FAM227A: variants seen among roughly 807,000 people sequenced by gnomAD.
FAM227A encodes protein FAM227A.
Under a neutral mutation model 74.7 loss-of-function variants are expected in FAM227A, and 80 were observed. The observed-to-expected ratio is 1.07, with a 90% CI of 0.89 to 1.29. The LOEUF (loss-of-function observed/expected upper bound fraction) is 1.29. Ranked by LOEUF, FAM227A falls within the 50% of genes most tolerant of loss-of-function variation. The probability of loss-of-function intolerance (pLI) is 0.00; values close to 1 mark genes in which losing one functional copy is unlikely to be tolerated. For synonymous variants in FAM227A, 237 were observed against 241.8 expected, an observed-to-expected ratio of 0.98 and a Z score of 0.19; for missense variants, 654 against 683.4, an observed-to-expected ratio of 0.96 and a Z score of 0.48.
chr22:38,610,527 C>CCT (rs35256896), intron 11 of FAM227A, among the ~76,000 whole-genome samples: 53,548 of 151,826 alleles, frequency 0.35, 9,762 homozygotes, highest in East Asian at 0.47. Flanking sequence ...CCATTTATCC[C>CCT]CAGTCTATTA....
intron 11 of FAM227A, chr22:38,618,423 C>T (rs2091621304): frequency 6.6e-6 from 1 of 152,168 alleles, no homozygotes. Context: ...TCCCCAGAAG[C>T]CTAAACCTCT....
chr22:38,614,154 GAC>G (rs886735636), intron 11 of FAM227A, among the ~76,000 whole-genome samples: 3 of 152,118 alleles, frequency 2.0e-5, no homozygotes, highest in Non-Finnish European at 4.4e-5. Flanking sequence ...CCAGGTTTAG[GAC>G]CTGGGGAGCT....
At chr22:38,609,936 T>C (rs1212594095) in intron 11 of FAM227A, among the ~76,000 whole-genome samples, 1 of 151,926 alleles carries the variant, frequency 6.6e-6, no homozygotes, top group African/African-American at 2.4e-5. Flanking sequence ...CACGCTTGGG[T>C]AGGTTTTTGT....
intron 15 of FAM227A, among the ~76,000 whole-genome samples, chr22:38,594,402 G>T (rs1268802650): frequency 1.3e-5 from 2 of 152,158 alleles, no homozygotes; most frequent in Non-Finnish European, 1.5e-5. Context: ...GTAAAATGGG[G>T]ATAAGTAAAT....
At chr22:38,599,716 C>T (rs540005339) in intron 14 of FAM227A, 48 bp downstream of exon 14, 46 of 1,495,058 alleles carry the variant, frequency 3.1e-5, no homozygotes, top group East Asian at 5.1e-5. Flanking sequence ...GGGAAGAGGA[C>T]GCGGGGGCCT....
At chr22:38,586,316 T>C (rs5750627) in intron 16 of FAM227A, 117 bp from the exon 17 acceptor site, 375,177 of 1,156,784 alleles carry the variant, frequency 0.32, 62,411 homozygotes, top group East Asian at 0.49. Context: ...CATGGAATAT[T>C]GAGGGCGTGC....
chr22:38,599,150 C>T (rs932910898), intron 14 of FAM227A, among the ~76,000 whole-genome samples: 2 of 151,822 alleles, frequency 1.3e-5, no homozygotes, highest in East Asian at 1.9e-4. Flanking sequence ...TTAGTAGAGA[C>T]GGGGTTTCAC....
intron 3 of FAM227A, among the ~76,000 whole-genome samples, chr22:38,643,478 C>T (rs1239797955): frequency 6.6e-6 from 1 of 152,114 alleles, no homozygotes; most frequent in East Asian, 1.9e-4. Flanking sequence ...ATCAGAATGA[C>T]CAAAATCTAG....
At chr22:38,628,043 T>A (rs936242131) in intron 8 of FAM227A, among the ~76,000 whole-genome samples, 195 bp downstream of exon 8, 2 of 152,196 alleles carry the variant, frequency 1.3e-5, no homozygotes. Context: ...TTCACTTAAA[T>A]ATATCATTGC....
rs1450734981 is a variant in FAM227A at position 38,582,277 on chromosome 22, C to G, written c.*3848G>C. 2.1e-6 allele frequency: 3 copies of G among 1,452,966 alleles called. No homozygotes were observed. The highest frequency in any genetic ancestry group is 3.9e-4 in the Middle Eastern group (2 of 5,194). The allele number at this position is 1,452,966 out of a possible 1,614,324, so 90.0% of individuals were successfully genotyped here. A position where few individuals can be genotyped will look rare whatever the true frequency, so the allele number is the denominator to read the frequency against. On this transcript the variant is annotated 3_prime_UTR_variant, in exon 17 of 17. Coordinates refer to ENST00000535113, the MANE Select transcript of FAM227A (RefSeq NM_001013647.2). Reference sequence around the variant, plus strand: ...CTTCAGGAAACTGTATGTTCTAAAACATACATTTCATCATCAATTCATAAG... The same window carrying G: ...CTTCAGGAAACTGTATGTTCTAAAAGATACATTTCATCATCAATTCATAAG...
chr22:38,621,887 C>T (rs1177895403), intron 10 of FAM227A, among the ~76,000 whole-genome samples: 1 of 152,064 alleles, frequency 6.6e-6, no homozygotes, highest in African/African-American at 2.4e-5. Context: ...TGGACTGGGT[C>T]CCCCTCCCGC....
chr22:38,594,435 T>A (rs902729359), intron 15 of FAM227A, among the ~76,000 whole-genome samples: 3 of 152,248 alleles, frequency 2.0e-5, no homozygotes, highest in African/African-American at 7.2e-5. Context: ...TTAAACACAC[T>A]GTCTTATAAC....
chr22:38,594,358 T>C (rs2090999806), intron 15 of FAM227A, among the ~76,000 whole-genome samples: 1 of 152,194 alleles, frequency 6.6e-6, no homozygotes, highest in South Asian at 2.1e-4. Context: ...GTGGTTGCCC[T>C]CCAAGATTGT....
intron 16 of FAM227A, among the ~76,000 whole-genome samples, chr22:38,590,976 G>A (rs1167337736): frequency 6.6e-6 from 1 of 151,976 alleles, no homozygotes; most frequent in Non-Finnish European, 1.5e-5. Flanking sequence ...GTAGAGATGG[G>A]GTTTCACCAT....
intron 8 of FAM227A, among the ~76,000 whole-genome samples, chr22:38,626,935 A>C (rs892707261): frequency 2.2e-5 from 3 of 138,568 alleles, no homozygotes; most frequent in Admixed American, 7.5e-5. Context: ...TATTCTATAT[A>C]TAGAGAGAGA....
chr22:38,623,362 G>A, intron 9 of FAM227A, 83 bp from the exon 10 acceptor site: 1 of 889,472 alleles, frequency 1.1e-6, no homozygotes, highest in Non-Finnish European at 1.8e-6. Flanking sequence ...AGCCAAGGTG[G>A]GAGGATTGCT....
chr22:38,591,627 T>G, intron 15 of FAM227A, 87 bp from the exon 16 acceptor site: 1 of 860,348 alleles, frequency 1.2e-6, no homozygotes, highest in South Asian at 2.4e-5. Flanking sequence ...AACTGATAGA[T>G]CCACGTGACC....
At chr22:38,624,029 G>A (rs1416693612) in intron 9 of FAM227A, among the ~76,000 whole-genome samples, 1 of 152,168 alleles carries the variant, frequency 6.6e-6, no homozygotes, top group African/African-American at 2.4e-5. Flanking sequence ...GAACAGCAAG[G>A]TGCAACGGCA....
intron 15 of FAM227A, among the ~76,000 whole-genome samples, chr22:38,591,764 C>T (rs921652143): frequency 6.6e-5 from 10 of 152,118 alleles, no homozygotes; most frequent in Non-Finnish European, 1.2e-4. Context: ...AGAAAGAGAA[C>T]GCTGCCAGCT....
Sources: gnomAD v4.1 joint callset for allele counts (sites outside exome capture counted in the v4.1 genomes callset) on GRCh38, gnomAD v4.1.1 for gene constraint, MANE v1.5 for transcripts, NCBI Gene and HGNC (gene_info 2026-07-23, HGNC 2026-07-21) for gene names.